Variants in DPF3 observed in about 807,000 individuals in gnomAD.
The protein encoded by DPF3 is zinc finger protein DPF3.
DPF3 carries 18 observed loss-of-function variants against 56.8 expected under a neutral mutation model. That is an observed-to-expected ratio of 0.32 (90% CI 0.22 to 0.47). The LOEUF (loss-of-function observed/expected upper bound fraction) is 0.47. Among genes scored for constraint, DPF3 ranks in the 20% least tolerant of loss-of-function variants. The probability of loss-of-function intolerance (pLI) is 1.00; values close to 1 mark genes in which losing one functional copy is unlikely to be tolerated. For synonymous variants in DPF3, 188 were observed against 180.2 expected (o/e 1.04, Z -0.35); for missense variants, 403 against 488.8 (o/e 0.82, Z 1.65).
At chr14:72,884,192 G>A (rs541345848) in intron 1 of DPF3, among the ~76,000 whole-genome samples, 202 of 152,164 alleles carry the variant, frequency 1.3e-3, no homozygotes, top group Non-Finnish European at 2.4e-3. Flanking sequence ...GGCTATGACC[G>A]GAAATGAAAT....
intron 1 of DPF3, among the ~76,000 whole-genome samples, chr14:72,786,209 G>A (rs1388601032): frequency 1.3e-5 from 2 of 152,012 alleles, no homozygotes; most frequent in African/African-American, 4.8e-5. Flanking sequence ...GTTGCAGTGA[G>A]CCGAGATTGT....
At chr14:72,625,929 C>G (rs1884797496) in intron 9 of DPF3, among the ~76,000 whole-genome samples, 1 of 152,132 alleles carries the variant, frequency 6.6e-6, no homozygotes, top group East Asian at 1.9e-4. Context: ...TTCAGAATTA[C>G]TAATTCATAT....
intron 6 of DPF3, among the ~76,000 whole-genome samples, chr14:72,704,739 C>T (rs1888332672): frequency 6.6e-6 from 1 of 152,142 alleles, no homozygotes; most frequent in African/African-American, 2.4e-5. Flanking sequence ...GTCTCAATGA[C>T]CCAAGTGCAA....
intron 2 of DPF3, among the ~76,000 whole-genome samples, chr14:72,754,588 C>T (rs1890713525): frequency 6.6e-6 from 1 of 152,218 alleles, no homozygotes; most frequent in Non-Finnish European, 1.5e-5. Flanking sequence ...AAAAGTGTCA[C>T]TGTGCACACC....
intron 1 of DPF3, among the ~76,000 whole-genome samples, chr14:72,837,416 G>A (rs1884342485): frequency 6.6e-6 from 1 of 152,122 alleles, no homozygotes; most frequent in African/African-American, 2.4e-5. Context: ...AGGTACTGGA[G>A]ACTTAGTCCC....
At position 72,874,000 on chromosome 14, in the gene DPF3, C is replaced by G. The variant is rs556103939; in HGVS notation, c.32+20057G>C. ...TGACGAGTTAATGGGTGCAGCACAC[C>G]AACATGGCACATGTATATATATGTA... is the stretch of plus-strand genomic sequence containing the variant. On this transcript the variant is annotated intron_variant, in intron 1 of 10. Coordinates refer to ENST00000556509, the MANE Select transcript of DPF3 (RefSeq NM_001280542.3). 9.6e-3 allele frequency among the ~76,000 whole-genome samples: 1,443 copies of G among 150,568 alleles called. 28 individuals are homozygous for G. The highest frequency in any genetic ancestry group is 0.033 in the African/African-American group (1,360 of 40,844).
intron 1 of DPF3, chr14:72,836,542 T>C (rs778064780): frequency 3.1e-6 from 3 of 981,670 alleles, no homozygotes; most frequent in Non-Finnish European, 3.6e-6. Flanking sequence ...TGCCCTGTGG[T>C]TGCCATGCCT....
chr14:72,749,602 C>T (rs775613483), intron 3 of DPF3, among the ~76,000 whole-genome samples: 4 of 152,204 alleles, frequency 2.6e-5, no homozygotes, highest in Non-Finnish European at 5.9e-5. Flanking sequence ...CCAGGCAAAT[C>T]TCATCTTGTA....
intron 1 of DPF3, among the ~76,000 whole-genome samples, chr14:72,797,786 T>A (rs1262023593): frequency 6.6e-6 from 1 of 152,184 alleles, no homozygotes; most frequent in East Asian, 1.9e-4. Context: ...TGCTTAGAGA[T>A]CCGAGTTCTA....
rs1460795271 is a variant in DPF3, at chr14:72,614,390, G to A, written c.*4907C>T. On this transcript the variant is annotated 3_prime_UTR_variant, in exon 11 of 11. Transcript: ENST00000556509. ...GGGGATGGGAGTAAGATTTCAAAAC[G>A]GGCAACACACAGCAGGAAGAGGAGG... Among the ~76,000 whole-genome samples, 8 of 152,146 alleles carry A rather than the reference G, an allele frequency of 5.3e-5. No homozygotes were observed. The highest frequency in any genetic ancestry group is 9.7e-5 in the African/African-American group (4 of 41,422).
At chr14:72,775,953 G>A (rs1891728438) in intron 1 of DPF3, among the ~76,000 whole-genome samples, 1 of 145,552 alleles carries the variant, frequency 6.9e-6, no homozygotes, top group African/African-American at 2.6e-5. Flanking sequence ...AACAGCAGAG[G>A]ACAAATGTCC....
At chr14:72,708,488 C>T (rs913735908) in intron 6 of DPF3, among the ~76,000 whole-genome samples, 1 of 152,156 alleles carries the variant, frequency 6.6e-6, no homozygotes, top group African/African-American at 2.4e-5. Context: ...TTCCCTTCCG[C>T]GACAAAGGCA....
chr14:72,708,750 C>CCAT (rs1276782466), intron 6 of DPF3, among the ~76,000 whole-genome samples: 1 of 152,296 alleles, frequency 6.6e-6, no homozygotes, highest in East Asian at 1.9e-4. Context: ...GCAGATCCAC[C>CCAT]CATCCCATCG....
chr14:72,746,570 G>T (rs932535766), intron 3 of DPF3, among the ~76,000 whole-genome samples: 1 of 152,178 alleles, frequency 6.6e-6, no homozygotes, highest in Non-Finnish European at 1.5e-5. Context: ...TGACAGTCAC[G>T]CATTCCAGCC....
In DPF3 at chr14:72,813,589, C is replaced by T. The variant is rs184032955; in HGVS notation, c.33-41696G>A. On this transcript the variant is annotated intron_variant, in intron 1 of 10. Transcript: ENST00000556509. The stretch of plus-strand genomic sequence containing the variant: ...ATTCCTTTTGGGTCTGTGTGCCTGC[C>T]TTCCTCAGAAATGACATTTTGTCAG... Among the ~76,000 whole-genome samples the T allele has an allele frequency of 8.0e-3, 1,215 of 152,296 alleles. 8 individuals carry two copies. The highest frequency in any genetic ancestry group is 0.013 in the Non-Finnish European group (870 of 68,026).
At chr14:72,857,625 T>A (rs1885218137) in intron 1 of DPF3, among the ~76,000 whole-genome samples, 1 of 152,144 alleles carries the variant, frequency 6.6e-6, no homozygotes, top group Admixed American at 6.5e-5. Flanking sequence ...TCTCACTCTG[T>A]CACCAGGTTG....
rs548283833 is a variant in DPF3 at position 72,814,079 on chromosome 14, CT to C, written c.33-42187del. Among the ~76,000 whole-genome samples the C allele has an allele frequency of 3.1e-3, 465 of 152,284 alleles. 4 individuals are homozygous for C. The highest frequency in any genetic ancestry group is 9.4e-3 in the African/African-American group (390 of 41,578). ...GACCTTTTCTTGTTTAGCAGGGCCA[CT>C]TTTTTTAAAAACTCCAGACGGGTAC... is the stretch of plus-strand genomic sequence containing the variant. On this transcript the variant is annotated intron_variant, in intron 1 of 10. Coordinates refer to ENST00000556509, the MANE Select transcript of DPF3 (RefSeq NM_001280542.3).
At chr14:72,747,491 G>A (rs962609044) in intron 3 of DPF3, among the ~76,000 whole-genome samples, 1 of 152,052 alleles carries the variant, frequency 6.6e-6, no homozygotes, top group Non-Finnish European at 1.5e-5. Context: ...GAGTGTTAAA[G>A]GTACAGAGAG....
At chr14:72,648,772 C>T (rs866237379) in intron 8 of DPF3, among the ~76,000 whole-genome samples, 1 of 151,544 alleles carries the variant, frequency 6.6e-6, no homozygotes, top group African/African-American at 2.4e-5. Context: ...CCTCTTGCAT[C>T]GTCAATGTCT....
Sources: allele counts gnomAD v4.1 joint callset (sites outside exome capture counted in the v4.1 genomes callset), GRCh38; gene constraint gnomAD v4.1.1; transcripts MANE v1.5; gene names NCBI Gene and HGNC (gene_info 2026-07-23, HGNC 2026-07-21).